Variants in CHCHD6 observed in about 807,000 individuals in gnomAD.
CHCHD6 encodes the protein MICOS complex subunit MIC25.
CHCHD6 carries 28 observed loss-of-function variants against 32.3 expected under a neutral mutation model. The ratio of observed to expected loss-of-function variants is 0.87; its 90% CI spans 0.64 to 1.19. The LOEUF is 1.19. CHCHD6 is among the 50% of genes most tolerant of loss of function. The probability of loss-of-function intolerance (pLI) is 0.00; values close to 1 mark genes in which losing one functional copy is unlikely to be tolerated. For missense variants in CHCHD6, 333 were observed against 307.0 expected (o/e 1.08, Z -0.63); for synonymous variants, 122 against 117.5 (o/e 1.04, Z -0.25).
chr3:126,891,293 C>T (rs1459226609), intron 5 of CHCHD6, among the ~76,000 whole-genome samples: 8 of 152,200 alleles, frequency 5.3e-5, no homozygotes, highest in Non-Finnish European at 8.8e-5. Context: ...GTCATGGAAG[C>T]GACTGAGGAG....
chr3:126,781,486 A>G (rs964832995), intron 4 of CHCHD6, among the ~76,000 whole-genome samples: 1 of 152,240 alleles, frequency 6.6e-6, no homozygotes, highest in Non-Finnish European at 1.5e-5. Context: ...CTAGGAGAAC[A>G]CTTAGTTGCA....
chr3:126,882,527 G>A (rs2077624416), intron 5 of CHCHD6, among the ~76,000 whole-genome samples: 1 of 152,116 alleles, frequency 6.6e-6, no homozygotes, highest in Non-Finnish European at 1.5e-5. Context: ...TTTCTTTTAC[G>A]AATCATCTGT....
At chr3:126,890,669 ACT>A (rs1253911645) in intron 5 of CHCHD6, among the ~76,000 whole-genome samples, 1 of 152,190 alleles carries the variant, frequency 6.6e-6, no homozygotes, top group East Asian at 1.9e-4. Context: ...TTTAAAAGCC[ACT>A]GTGCTAGGTG....
intron 4 of CHCHD6, among the ~76,000 whole-genome samples, chr3:126,746,705 C>T (rs767616754): frequency 6.6e-6 from 1 of 152,238 alleles, no homozygotes; most frequent in African/African-American, 2.4e-5. Context: ...AGCCGCGAGG[C>T]GGGTGCTTTC....
intron 5 of CHCHD6, among the ~76,000 whole-genome samples, chr3:126,881,091 G>A (rs538730044): frequency 6.6e-6 from 1 of 152,366 alleles, no homozygotes; most frequent in Non-Finnish European, 1.5e-5. Flanking sequence ...CACAGTCTGT[G>A]GCCAGGAAAG....
chr3:126,835,473 G>C (rs1940818837), intron 4 of CHCHD6, among the ~76,000 whole-genome samples: 1 of 152,240 alleles, frequency 6.6e-6, no homozygotes, highest in Non-Finnish European at 1.5e-5. Flanking sequence ...AGTGCCATCA[G>C]AGTGGGGCTG....
rs368763465 is a variant in CHCHD6, at chr3:126,777,568, C to G, written c.411+44346C>G. 8.5e-5 allele frequency among the ~76,000 whole-genome samples: 13 copies of G among 152,250 alleles called. No homozygotes were observed. The East Asian group carries it at 2.3e-3, about 27-fold the overall frequency. On this transcript the variant is annotated intron_variant, in intron 4 of 7. Transcript: ENST00000290913. ...AAATGAGGCAGACTGCAGGAGGCAC[C>G]TCTTCTGCTTAGATAAGCACTGCCA...
chr3:126,826,062 A>C (rs1341289721), intron 4 of CHCHD6, among the ~76,000 whole-genome samples: 2 of 152,248 alleles, frequency 1.3e-5, no homozygotes, highest in African/African-American at 4.8e-5. Flanking sequence ...ATACTCAAGA[A>C]GTAATCTCCA....
chr3:126,708,085 G>T (rs1404639568), intron 1 of CHCHD6, among the ~76,000 whole-genome samples: 1 of 152,250 alleles, frequency 6.6e-6, no homozygotes. Context: ...CTGCCTGCTT[G>T]AGGTGGGATG....
intron 4 of CHCHD6, among the ~76,000 whole-genome samples, chr3:126,821,536 C>T (rs1233574655): frequency 6.6e-6 from 1 of 152,164 alleles, no homozygotes; most frequent in Non-Finnish European, 1.5e-5. Context: ...CCTTGCAATC[C>T]ACCTGCCTTG....
chr3:126,808,303 G>A (rs893827674), intron 4 of CHCHD6, among the ~76,000 whole-genome samples: 48 of 152,104 alleles, frequency 3.2e-4, no homozygotes, highest in African/African-American at 1.2e-3. Flanking sequence ...AGCTAATCTT[G>A]GAAGGGACAT....
At chr3:126,805,089 A>G (rs1576437941) in intron 4 of CHCHD6, among the ~76,000 whole-genome samples, 1 of 152,202 alleles carries the variant, frequency 6.6e-6, no homozygotes. Context: ...CCCACAGCCA[A>G]TATCATACTG....
intron 4 of CHCHD6, among the ~76,000 whole-genome samples, chr3:126,794,658 C>T (rs1226458536): frequency 6.6e-6 from 1 of 151,980 alleles, no homozygotes; most frequent in Non-Finnish European, 1.5e-5. Context: ...ACTTCTAGGA[C>T]TTCTATGGCA....
chr3:126,957,328 G>A, intron 6 of CHCHD6, 88 bp from the exon 7 acceptor site: 1 of 1,470,930 alleles, frequency 6.8e-7, no homozygotes, highest in Non-Finnish European at 9.3e-7. Context: ...CCTAGCGCCT[G>A]GGAGGTAGGT....
chr3:126,849,366 TAA>T (rs1439817800), intron 4 of CHCHD6, among the ~76,000 whole-genome samples: 1 of 152,232 alleles, frequency 6.6e-6, no homozygotes, highest in Non-Finnish European at 1.5e-5. Flanking sequence ...TTGGACACTT[TAA>T]TCTTGTTTTT....
intron 4 of CHCHD6, among the ~76,000 whole-genome samples, chr3:126,773,263 C>G (rs1485545768): frequency 6.6e-6 from 1 of 152,124 alleles, no homozygotes; most frequent in Non-Finnish European, 1.5e-5. Context: ...CAAGTAATAC[C>G]TGCCCTTTTC....
chr3:126,807,025 A>C (rs1271319498), intron 4 of CHCHD6, among the ~76,000 whole-genome samples: 1 of 125,790 alleles, frequency 7.9e-6, no homozygotes. Context: ...AGGAAGGGGA[A>C]CATCACACTC....
At chr3:126,826,564 CTG>C (rs1358079761) in intron 4 of CHCHD6, among the ~76,000 whole-genome samples, 1 of 152,030 alleles carries the variant, frequency 6.6e-6, no homozygotes, top group African/African-American at 2.4e-5. Flanking sequence ...GTTAGGCTCT[CTG>C]TGTGTGTTAT....
At chr3:126,795,142 C>G (rs1938732771) in intron 4 of CHCHD6, among the ~76,000 whole-genome samples, 1 of 152,156 alleles carries the variant, frequency 6.6e-6, no homozygotes, top group Non-Finnish European at 1.5e-5. Context: ...CTGGGGCTGG[C>G]CATCACAGCA....
Sources: gnomAD v4.1 joint callset for allele counts (sites outside exome capture counted in the v4.1 genomes callset) on GRCh38, gnomAD v4.1.1 for gene constraint, MANE v1.5 for transcripts, NCBI Gene and HGNC (gene_info 2026-07-23, HGNC 2026-07-21) for gene names.